GPCPD1: variants seen among roughly 807,000 people sequenced by gnomAD.
The protein encoded by GPCPD1 is glycerophosphocholine phosphodiesterase 1, also known as glycerophosphocholine phosphodiesterase GPCPD1.
Under a neutral mutation model 89.2 loss-of-function variants are expected in GPCPD1, and 29 were observed. The observed-to-expected ratio is 0.33, with a 90% CI of 0.24 to 0.44. The LOEUF (loss-of-function observed/expected upper bound fraction) is 0.44, where lower values mean the gene tolerates loss of function less well. Among genes scored for constraint, GPCPD1 ranks in the 20% least tolerant of loss-of-function variants. The pLI is 1.00. For synonymous variants in GPCPD1, 258 were observed against 266.3 expected (o/e 0.97, Z 0.30); for missense variants, 594 against 808.9 (o/e 0.73, Z 3.22).
At chr20:5,587,648 G>C (rs1333844950) in intron 4 of GPCPD1, among the ~76,000 whole-genome samples, 1 of 152,166 alleles carries the variant, frequency 6.6e-6, no homozygotes, top group Non-Finnish European at 1.5e-5. Flanking sequence ...TTACAGGTGT[G>C]AGCCACTGTG....
At chr20:5,558,375 T>C (rs542810418) in intron 18 of GPCPD1, among the ~76,000 whole-genome samples, 17 of 152,262 alleles carry the variant, frequency 1.1e-4, no homozygotes, top group African/African-American at 3.9e-4. Flanking sequence ...CAAAACAAGT[T>C]CACGTTCATC....
chr20:5,605,250 T>G (rs978969305), intron 1 of GPCPD1, among the ~76,000 whole-genome samples: 3 of 152,226 alleles, frequency 2.0e-5, no homozygotes, highest in Non-Finnish European at 4.4e-5. Flanking sequence ...TGCTACATAC[T>G]TTCTCTTCTG....
chr20:5,547,574 A>G lies in GPCPD1; in HGVS notation c.*87T>C. ...GCTTCATTGAACTGAGAAGCCCAAA[A>G]GGCATAGATCAACAATGCTCAGTGA... On this transcript the variant is annotated 3_prime_UTR_variant, in exon 20 of 20. Transcript: ENST00000379019. 1.5e-6 allele frequency: 1 copy of G among 647,498 alleles called. No individual in the cohort carries two copies. Among genetic ancestry groups the G allele is most frequent in the African/African-American group, 1.8e-5 (1 of 55,690 alleles). 40.1% of individuals were successfully genotyped at this position (647,498 alleles called of 1,614,324 possible).
chr20:5,547,339 G>T lies in GPCPD1; in HGVS notation c.*322C>A, dbSNP rs1198685556. ...AATGAAAAGCTGTAAGTGTAAATAT[G>T]AGCTATTTATATAGTTAATTTCAAA... On this transcript the variant is annotated 3_prime_UTR_variant, in exon 20 of 20. Transcript: ENST00000379019. 6.3e-6 allele frequency: 1 copy of T among 157,954 alleles called. No homozygotes were observed. The highest frequency in any genetic ancestry group is 1.4e-5 in the Non-Finnish European group (1 of 71,782). The allele number at this position is 157,954 out of a possible 1,614,324, so 9.8% of individuals were successfully genotyped here.
chr20:5,595,151 T>C (rs1979622520), intron 3 of GPCPD1, among the ~76,000 whole-genome samples: 1 of 152,216 alleles, frequency 6.6e-6, no homozygotes, highest in South Asian at 2.1e-4. Context: ...CAAATGATTG[T>C]ATCATTTTTT....
At chr20:5,558,481 C>T (rs1360634681) in intron 18 of GPCPD1, among the ~76,000 whole-genome samples, 6 of 152,102 alleles carry the variant, frequency 3.9e-5, no homozygotes, top group Non-Finnish European at 8.8e-5. Flanking sequence ...AAAAATTTAA[C>T]GTATGCCTAT....
At chr20:5,564,812 C>A (rs1413900718) in intron 15 of GPCPD1, among the ~76,000 whole-genome samples, 2 of 151,954 alleles carry the variant, frequency 1.3e-5, no homozygotes, top group Non-Finnish European at 2.9e-5. Flanking sequence ...CTGCACTCAG[C>A]CTAGATGTCA....
intron 6 of GPCPD1, among the ~76,000 whole-genome samples, chr20:5,582,965 T>C (rs1389518364): frequency 1.3e-5 from 2 of 151,186 alleles, no homozygotes; most frequent in Non-Finnish European, 1.5e-5. Flanking sequence ...CCAGGTGCGG[T>C]GGCACACGCC....
At chr20:5,601,060 AT>A (rs138136587) in intron 2 of GPCPD1, among the ~76,000 whole-genome samples, 5,932 of 151,892 alleles carry the variant, frequency 0.039, 163 homozygotes, top group South Asian at 0.063. Flanking sequence ...CACACCTGTA[AT>A]TCCAGCTACT....
chr20:5,578,621 A>C lies in GPCPD1; in HGVS notation c.474-10T>G, dbSNP rs747369732. ...TAGTGTCAGCTTCACCCTACGTAAT[A>C]AACAAAATAATGAGATGCAAGAAGT... On this transcript the variant is annotated splice_polypyrimidine_tract_variant and intron_variant, in intron 7 of 19. Coordinates refer to ENST00000379019, the MANE Select transcript of GPCPD1 (RefSeq NM_019593.5). 6.5e-7 allele frequency: 1 copy of C among 1,528,580 alleles called. No individual in the cohort carries two copies. Among genetic ancestry groups the C allele is most frequent in the Non-Finnish European group, 9.1e-7 (1 of 1,102,484 alleles). 94.7% of individuals were successfully genotyped at this position (1,528,580 alleles called of 1,614,324 possible).
chr20:5,583,667 T>C (rs1385071990), intron 6 of GPCPD1, among the ~76,000 whole-genome samples: 1 of 152,256 alleles, frequency 6.6e-6, no homozygotes, highest in African/African-American at 2.4e-5. Flanking sequence ...AACTAACTTT[T>C]AAACATTCAG....
At chr20:5,558,544 C>T (rs1985905509) in intron 18 of GPCPD1, 140 bp downstream of exon 18, 2 of 539,176 alleles carry the variant, frequency 3.7e-6, no homozygotes, top group South Asian at 3.0e-5. Context: ...CTAATATCCT[C>T]GTTTTTAAGT....
At chr20:5,547,896 G>A in intron 19 of GPCPD1, 46 bp from the exon 20 acceptor site, 1 of 1,087,966 alleles carries the variant, frequency 9.2e-7, no homozygotes, top group African/African-American at 1.6e-5. Flanking sequence ...GTAATTTTAT[G>A]GTTTACCTAA....
At chr20:5,586,359 T>C in intron 4 of GPCPD1, 90 bp from the exon 5 acceptor site, 2 of 707,712 alleles carry the variant, frequency 2.8e-6, no homozygotes, top group South Asian at 1.6e-5. Context: ...CTAAATCTTA[T>C]ACTAAATATG....
chr20:5,544,497 T>G lies in GPCPD1; in HGVS notation c.*3164A>C, dbSNP rs1260808847. On this transcript the variant is annotated 3_prime_UTR_variant, in exon 20 of 20. Coordinates refer to ENST00000379019, the MANE Select transcript of GPCPD1 (RefSeq NM_019593.5). ...AACTAAGGATAGAACACTATAGCAG[T>G]GCTAGAGATGCAAAGACGTCCCTGC... is the stretch of plus-strand genomic sequence containing the variant. The G allele has an allele frequency of 6.6e-6, 1 of 152,242 alleles. No individual in the cohort carries two copies. Among genetic ancestry groups the G allele is most frequent in the Non-Finnish European group, 1.5e-5 (1 of 68,042 alleles). The allele number at this position is 152,242 out of a possible 1,614,324, so 9.4% of individuals were successfully genotyped here.
chr20:5,558,205 G>GA, intron 18 of GPCPD1, 100 bp from the exon 19 acceptor site: 1 of 620,528 alleles, frequency 1.6e-6, no homozygotes, highest in Non-Finnish European at 2.7e-6. Flanking sequence ...CAGCAGGCGG[G>GA]AAAAGAAAAT....
intron 4 of GPCPD1, among the ~76,000 whole-genome samples, chr20:5,589,522 G>T (rs958326693): frequency 6.6e-6 from 1 of 152,114 alleles, no homozygotes; most frequent in African/African-American, 2.4e-5. Flanking sequence ...TGATGCAGGA[G>T]ACTCACTTGA....
intron 16 of GPCPD1, among the ~76,000 whole-genome samples, chr20:5,560,672 G>A (rs934591095): frequency 4.6e-5 from 7 of 152,208 alleles, no homozygotes; most frequent in South Asian, 2.1e-4. Flanking sequence ...AACCTTAGTC[G>A]AGAATTCACT....
At chr20:5,573,793 C>T (rs1986854799) in intron 11 of GPCPD1, 122 bp downstream of exon 11, 1 of 753,220 alleles carries the variant, frequency 1.3e-6, no homozygotes, top group African/African-American at 1.8e-5. Context: ...TTCCGATCTT[C>T]ACCATGGATC....
Sources: allele counts gnomAD v4.1 joint callset (sites outside exome capture counted in the v4.1 genomes callset), GRCh38; gene constraint gnomAD v4.1.1; transcripts MANE v1.5; gene names NCBI Gene and HGNC (gene_info 2026-07-23, HGNC 2026-07-21).